LRP2BP: variants seen among roughly 807,000 people sequenced by gnomAD.
LRP2BP encodes LRP2-binding protein.
LRP2BP carries 38 observed loss-of-function variants against 45.2 expected under a neutral mutation model. That is an observed-to-expected ratio of 0.84 (90% confidence interval 0.65 to 1.10). The LOEUF (loss-of-function observed/expected upper bound fraction) is 1.10, where lower values mean the gene tolerates loss of function less well. LRP2BP is among the 50% of genes least tolerant of loss of function. The pLI, the probability that LRP2BP is intolerant of heterozygous loss-of-function variation, is 0.00. For synonymous variants in LRP2BP, 153 were observed against 153.9 expected (o/e 0.99, Z 0.04); for missense variants, 385 against 418.9 (o/e 0.92, Z 0.71).
rs2095388719 is a variant in LRP2BP at position 185,366,560 on chromosome 4, G to C, written c.*620C>G. 6.6e-6 allele frequency: 1 copy of C among 152,058 alleles called. No individual in the cohort carries two copies. Among genetic ancestry groups the C allele is most frequent in the African/African-American group, 2.4e-5 (1 of 41,400 alleles). 9.4% of individuals were successfully genotyped at this position (152,058 alleles called of 1,614,324 possible). A position where few individuals can be genotyped will look rare whatever the true frequency, so the allele number is the denominator to read the frequency against. ...TATTTATGAGCTTTTTAAGAATAAA[G>C]GATGTCTCAAAAGGCTTAGTGCAGT... On this transcript the variant is annotated 3_prime_UTR_variant, in exon 9 of 9. Coordinates refer to ENST00000505916, the MANE Select transcript of LRP2BP (RefSeq NM_001377440.1).
intron 8 of LRP2BP, chr4:185,369,736 T>C (rs1335797497): frequency 4.5e-6 from 2 of 441,054 alleles, no homozygotes; most frequent in African/African-American, 2.0e-5. Context: ...TTACCTGACA[T>C]TGGAATCCCA....
chr4:185,377,197 C>T, intron 2 of LRP2BP, 179 bp from the exon 3 acceptor site: 1 of 598,242 alleles, frequency 1.7e-6, no homozygotes, highest in South Asian at 1.9e-5. Flanking sequence ...GTCATGGTCA[C>T]AGGCCCTAAC....
At chr4:185,386,626 C>G (rs2095472476) in intron 1 of LRP2BP, among the ~76,000 whole-genome samples, 1 of 152,152 alleles carries the variant, frequency 6.6e-6, no homozygotes, top group Non-Finnish European at 1.5e-5. Flanking sequence ...AGTCTTTGCA[C>G]AAGCTGCATC....
At position 185,366,878 on chromosome 4, in the gene LRP2BP, G is replaced by T; in HGVS notation, c.*302C>A. 4.9e-6 allele frequency: 1 copy of T among 202,092 alleles called. No individual in the cohort carries two copies. The highest frequency in any genetic ancestry group is 9.9e-6 in the Non-Finnish European group (1 of 101,078). 12.5% of individuals were successfully genotyped at this position (202,092 alleles called of 1,614,324 possible). A position where few individuals can be genotyped will look rare whatever the true frequency, so the allele number is the denominator to read the frequency against. On this transcript the variant is annotated 3_prime_UTR_variant, in exon 9 of 9. Coordinates refer to ENST00000505916, the MANE Select transcript of LRP2BP (RefSeq NM_001377440.1). ...AACTAAGTATTTTTGGAGACTCGGT[G>T]TTTAAGAAAGGATAAACGATACTTG...
At chr4:185,372,740 G>A (rs1317979942) in intron 7 of LRP2BP, 116 bp downstream of exon 7, 2 of 775,588 alleles carry the variant, frequency 2.6e-6, no homozygotes, top group African/African-American at 3.5e-5. Context: ...CTCCCCTCTG[G>A]AGGTTGCAGC....
chr4:185,375,487 A>AAAAAAAAAAAAT (rs1554018308), intron 4 of LRP2BP, 126 bp downstream of exon 4: 3 of 12,016 alleles, frequency 2.5e-4, no homozygotes, highest in Non-Finnish European at 2.9e-4. Context: ...AAAAAAAAAA[A>AAAAAAAAAAAAT]ATATATATAT....
rs1478235785 is a variant in LRP2BP, at chr4:185,388,886, A to AT, written c.-22+5892dup. Among the ~76,000 whole-genome samples, 9 of 151,430 alleles carry AT rather than the reference A, an allele frequency of 5.9e-5. No individual in the cohort carries two copies. In the South Asian group the frequency reaches 6.3e-4, roughly 11 times the overall value. ...TACTAATAAAATAATAATAATTATT[A>AT]TTTTTTTTGAGACAGAGTCTTGCTC... On this transcript the variant is annotated intron_variant, in intron 1 of 8. Transcript: ENST00000505916.
Position 185,395,554 on chromosome 4 carries a change from AG to A in LRP2BP, c.-798del, listed in dbSNP as rs2095499761. ...AACATCATTAAAAGATATTGTGAAT[AG>A]TTTAAATATTAAAAATGTGGAATAT... On this transcript the variant is annotated 5_prime_UTR_variant, in exon 1 of 9. Coordinates refer to ENST00000505916, the MANE Select transcript of LRP2BP (RefSeq NM_001377440.1). 4 of 982,190 alleles carry A rather than the reference AG, an allele frequency of 4.1e-6. No individual in the cohort carries two copies. The allele number at this position is 982,190 out of a possible 1,614,324, so 60.8% of individuals were successfully genotyped here. A position where few individuals can be genotyped will look rare whatever the true frequency, so the allele number is the denominator to read the frequency against.
At chr4:185,367,309 T>C in intron 8 of LRP2BP, 64 bp from the exon 9 acceptor site, 1 of 1,403,718 alleles carries the variant, frequency 7.1e-7, no homozygotes, top group Non-Finnish European at 9.8e-7. Flanking sequence ...TCTTCTTTTT[T>C]TTTTTTTCTT....
Position 185,374,125 on chromosome 4 carries a change from G to A in LRP2BP, c.579+10C>T. The A allele has an allele frequency of 3.7e-6, 6 of 1,604,066 alleles. No individual in the cohort carries two copies. The highest frequency in any genetic ancestry group is 4.3e-6 in the Non-Finnish European group (5 of 1,171,830). ...ATATAACACTAGCATTAAAAAAGAG[G>A]GAACGTTACCTTTTCTAACTCCTTG... is the stretch of plus-strand genomic sequence containing the variant. On this transcript the variant is annotated intron_variant, in intron 6 of 8. Transcript: ENST00000505916.
chr4:185,378,759 G>A (rs764024388), intron 1 of LRP2BP: 71 of 985,468 alleles, frequency 7.2e-5, no homozygotes, highest in South Asian at 1.9e-4. Flanking sequence ...CATATAAAAT[G>A]TAGCGGTCAC....
intron 1 of LRP2BP, chr4:185,390,481 T>C (rs1561094959): frequency 6.7e-6 from 1 of 148,946 alleles, no homozygotes; most frequent in South Asian, 2.1e-4. Flanking sequence ...ATGGTGCCAC[T>C]GCACTCCAGC....
chr4:185,368,943 G>A (rs528211549), intron 8 of LRP2BP, among the ~76,000 whole-genome samples: 6 of 151,244 alleles, frequency 4.0e-5, no homozygotes, highest in Non-Finnish European at 8.9e-5. Flanking sequence ...ATGGACATGC[G>A]TTACCATGAT....
At chr4:185,388,435 A>ACC (rs1305806424) in intron 1 of LRP2BP, among the ~76,000 whole-genome samples, 1 of 151,998 alleles carries the variant, frequency 6.6e-6, no homozygotes, top group African/African-American at 2.4e-5. Flanking sequence ...TTTACTATCT[A>ACC]TCTACCTATC....
intron 6 of LRP2BP, among the ~76,000 whole-genome samples, chr4:185,373,606 A>G (rs1291957860): frequency 1.3e-5 from 2 of 152,240 alleles, no homozygotes; most frequent in African/African-American, 4.8e-5. Context: ...CTGCTTATCT[A>G]TCCAAAGATG....
chr4:185,382,775 T>A (rs1322251599), intron 1 of LRP2BP, among the ~76,000 whole-genome samples: 1 of 152,246 alleles, frequency 6.6e-6, no homozygotes, highest in East Asian at 1.9e-4. Context: ...AATGTGTGGA[T>A]GTTTTTCTTT....
At position 185,395,691 on chromosome 4, in the gene LRP2BP, T is replaced by G. The variant is rs2095500276; in HGVS notation, c.-934A>C. On this transcript the variant is annotated 5_prime_UTR_variant, in exon 1 of 9. Coordinates refer to ENST00000505916, the MANE Select transcript of LRP2BP (RefSeq NM_001377440.1). ...AAGTATAACAACATAAACTTGCGATTGCAAATTTTATGGCTCTTACTACAA... is the reference window on the plus strand; with the variant it reads ...AAGTATAACAACATAAACTTGCGATGGCAAATTTTATGGCTCTTACTACAA... 5.1e-6 allele frequency: 5 copies of G among 985,336 alleles called. No homozygotes were observed. Among genetic ancestry groups the G allele is most frequent in the Non-Finnish European group, 6.0e-6 (5 of 829,830 alleles). 61.0% of individuals were successfully genotyped at this position (985,336 alleles called of 1,614,324 possible).
intron 1 of LRP2BP, among the ~76,000 whole-genome samples, chr4:185,388,427 T>C (rs1211511201): frequency 6.6e-6 from 1 of 152,174 alleles, no homozygotes; most frequent in Non-Finnish European, 1.5e-5. Flanking sequence ...CTTTTCCTTT[T>C]ACTATCTATC....
chr4:185,377,040 A>T, intron 2 of LRP2BP, 22 bp from the exon 3 acceptor site: 2 of 1,483,274 alleles, frequency 1.3e-6, no homozygotes, highest in Non-Finnish European at 1.9e-6. Flanking sequence ...AAGGTAAGGA[A>T]TTCCATCAAC....
Sources: gnomAD v4.1 joint callset for allele counts (sites outside exome capture counted in the v4.1 genomes callset) on GRCh38, gnomAD v4.1.1 for gene constraint, MANE v1.5 for transcripts, NCBI Gene and HGNC (gene_info 2026-07-23, HGNC 2026-07-21) for gene names.